Variants in CHD1L observed in about 807,000 individuals in gnomAD.
The protein encoded by CHD1L is chromodomain helicase DNA binding protein 1 like.
In CHD1L, 118 loss-of-function variants were observed where a neutral mutation model predicts 115.9. The observed-to-expected ratio is 1.02, with a 90% CI of 0.88 to 1.19. CHD1L has a LOEUF of 1.19. CHD1L is among the 50% of genes most tolerant of loss of function. The pLI is 0.00. For missense variants in CHD1L, 1,179 were observed against 1,065.3 expected, an observed-to-expected ratio of 1.11 and a Z score of -1.49; for synonymous variants, 411 against 387.1, an observed-to-expected ratio of 1.06 and a Z score of -0.72.
chr1:147,210,803 T>C, the CHD1L span: 1 of 152,218 alleles, frequency 6.6e-6, no homozygotes, highest in Non-Finnish European at 1.5e-5. Flanking sequence ...CAGTTTTCCA[T>C]CTATACCTTG....
intron 1 of CHD1L, among the ~76,000 whole-genome samples, chr1:147,249,235 G>A (rs1667584247): frequency 2.0e-5 from 3 of 152,040 alleles, no homozygotes; most frequent in African/African-American, 2.4e-5. Context: ...TTTGAAACAT[G>A]TTGTGGCATT....
At chr1:147,242,015 T>A (rs1664953195), upstream of CHD1L, among the ~76,000 whole-genome samples, 1 of 152,166 alleles carries the variant, frequency 6.6e-6, no homozygotes, top group Non-Finnish European at 1.5e-5. Flanking sequence ...GCTATTTTGT[T>A]ATTATCATAT....
the CHD1L span, among the ~76,000 whole-genome samples, chr1:147,232,862 C>T: frequency 9.9e-3 from 1,515 of 152,290 alleles, 17 homozygotes; most frequent in Non-Finnish European, 0.013. Context: ...CCTCCACCTC[C>T]CAGCCGCCTG....
At position 147,270,247 on chromosome 1, in the gene CHD1L, A is replaced by T. The variant is rs367803820; in HGVS notation, c.1086-685A>T. 1.4e-4 allele frequency among the ~76,000 whole-genome samples: 22 copies of T among 152,310 alleles called. No individual in the cohort carries two copies. In the East Asian group the frequency reaches 3.5e-3, roughly 24 times the overall value. ...GCTTCTTTGTTTATGCAAATTTAAA[A>T]TAACAGCCAGTAACAAGGGACTCTA... On this transcript the variant is annotated intron_variant, in intron 10 of 22. Coordinates refer to ENST00000369258, the MANE Select transcript of CHD1L (RefSeq NM_004284.6).
At chr1:147,256,832 C>G (rs55708393) in intron 5 of CHD1L, among the ~76,000 whole-genome samples, 1 of 152,084 alleles carries the variant, frequency 6.6e-6, no homozygotes, top group East Asian at 1.9e-4. Flanking sequence ...ATAGCTGTTA[C>G]GAAAATTAAA....
chr1:147,227,845 CCT>C, the CHD1L span, among the ~76,000 whole-genome samples: 2 of 152,102 alleles, frequency 1.3e-5, no homozygotes, highest in African/African-American at 4.8e-5. Context: ...CAGATGCTAC[CCT>C]GTTTTCTAAT....
the CHD1L span, chr1:147,211,279 G>A: frequency 6.6e-6 from 1 of 152,112 alleles, no homozygotes; most frequent in East Asian, 1.9e-4. Flanking sequence ...GATGGCTCTC[G>A]CCATGGGTCC....
chr1:147,213,050 C>T, the CHD1L span, among the ~76,000 whole-genome samples: 2 of 152,052 alleles, frequency 1.3e-5, no homozygotes, highest in Non-Finnish European at 2.9e-5. Context: ...ACATTCTTCC[C>T]TTTGATACTC....
At chr1:147,234,225 C>G in the CHD1L span, among the ~76,000 whole-genome samples, 4 of 152,218 alleles carry the variant, frequency 2.6e-5, no homozygotes, top group African/African-American at 9.6e-5. Flanking sequence ...GAGCTCGGAG[C>G]CTTCGCAGCC....
At chr1:147,280,348 A>C (rs1393730146) in intron 15 of CHD1L, among the ~76,000 whole-genome samples, 157 bp downstream of exon 15, 1 of 152,200 alleles carries the variant, frequency 6.6e-6, no homozygotes, top group Non-Finnish European at 1.5e-5. Context: ...TTGATAAAAG[A>C]ACGTTACCCA....
intron 5 of CHD1L, chr1:147,259,489 C>G (rs1274209610): frequency 6.1e-6 from 1 of 163,452 alleles, no homozygotes; most frequent in African/African-American, 2.4e-5. Flanking sequence ...CAATTGTCTG[C>G]TTGCTATACT....
At chr1:147,234,263 C>T in the CHD1L span, among the ~76,000 whole-genome samples, 1 of 152,166 alleles carries the variant, frequency 6.6e-6, no homozygotes, top group African/African-American at 2.4e-5. Context: ...CCCCTGCTCC[C>T]ACTTTACTTC....
At chr1:147,289,807 G>T (rs1221074271) in intron 19 of CHD1L, among the ~76,000 whole-genome samples, 2 of 152,236 alleles carry the variant, frequency 1.3e-5, no homozygotes, top group African/African-American at 2.4e-5. Flanking sequence ...TACAGGCCAT[G>T]CAGGCCAGAG....
chr1:147,280,172 C>CAG lies in CHD1L; in HGVS notation c.1690_1691dup (p.Asp564GlufsTer34), dbSNP rs1412382416. ...CCTTGCCTGCAGCAGAAGGAGGGAG[C>CAG]AGAGATCAAGAGGAAGGAAGTAAGT... On this transcript the variant is annotated frameshift_variant, in exon 15 of 23. Transcript: ENST00000369258. LOFTEE classifies it high-confidence loss of function. 6.2e-7 allele frequency: 1 copy of CAG among 1,604,634 alleles called. No homozygotes were observed. Among genetic ancestry groups the CAG allele is most frequent in the African/African-American group, 1.3e-5 (1 of 74,454 alleles).
chr1:147,236,218 G>C, the CHD1L span, among the ~76,000 whole-genome samples: 1 of 152,196 alleles, frequency 6.6e-6, no homozygotes, highest in Admixed American at 6.5e-5. Context: ...GAGATGCCAA[G>C]AGCTAAAGAG....
At chr1:147,292,247 C>G (rs767927631) in intron 20 of CHD1L, among the ~76,000 whole-genome samples, 1 of 152,196 alleles carries the variant, frequency 6.6e-6, no homozygotes, top group Non-Finnish European at 1.5e-5. Context: ...TCATTTCTTA[C>G]TATGTGAAAA....
chr1:147,186,518 T>G, the CHD1L span: 1 of 994,844 alleles, frequency 1.0e-6, no homozygotes, highest in Non-Finnish European at 1.2e-6. Flanking sequence ...AGAAGAAGAG[T>G]TACGTGGAGT....
the CHD1L span, chr1:147,204,928 G>A: frequency 3.2e-6 from 5 of 1,552,652 alleles, 1 homozygote; most frequent in East Asian, 2.2e-5. Flanking sequence ...AACTTGAAGC[G>A]CCATGGCCAG....
At chr1:147,268,702 G>T (rs2102618306) in intron 9 of CHD1L, 80 bp from the exon 10 acceptor site, 2 of 1,116,506 alleles carry the variant, frequency 1.8e-6, no homozygotes, top group East Asian at 4.8e-5. Context: ...TGAGCTTTTG[G>T]CTTCTCTTCC....
Sources: allele counts gnomAD v4.1 joint callset (sites outside exome capture counted in the v4.1 genomes callset), GRCh38; gene constraint gnomAD v4.1.1; transcripts MANE v1.5; gene names NCBI Gene and HGNC (gene_info 2026-07-23, HGNC 2026-07-21).